ZZEF1: variants seen among roughly 807,000 people sequenced by gnomAD.
ZZEF1 encodes zinc finger ZZ-type and EF-hand domain-containing protein 1.
Under a neutral mutation model 342.8 loss-of-function variants are expected in ZZEF1, and 157 were observed. The observed-to-expected ratio is 0.46, with a 90% CI of 0.40 to 0.52. The LOEUF (loss-of-function observed/expected upper bound fraction) is 0.52, where lower values mean the gene tolerates loss of function less well. Among genes scored for constraint, ZZEF1 ranks in the 20% least tolerant of loss-of-function variants. The pLI is 0.00. For synonymous variants in ZZEF1, 1,505 were observed against 1,429.1 expected (o/e 1.05, Z -1.20); for missense variants, 3,480 against 3,725.6 (o/e 0.93, Z 1.72).
intron 29 of ZZEF1, among the ~76,000 whole-genome samples, chr17:4,063,725 G>A (rs1416685824): frequency 3.8e-5 from 5 of 130,404 alleles, no homozygotes; most frequent in Admixed American, 7.8e-5. Context: ...CCACACTCAG[G>A]TCATTTTTTT....
At chr17:4,041,898 G>A (rs1441711096) in intron 39 of ZZEF1, among the ~76,000 whole-genome samples, 1 of 152,034 alleles carries the variant, frequency 6.6e-6, no homozygotes, top group African/African-American at 2.4e-5. Context: ...AAAAAAACCT[G>A]TAAGGGACAT....
chr17:4,097,476 GGAAAAAAAAA>G (rs1302019910), intron 9 of ZZEF1, among the ~76,000 whole-genome samples: 14 of 113,962 alleles, frequency 1.2e-4, no homozygotes, highest in Admixed American at 3.8e-4. Context: ...CTTTGAAATG[GGAAAAAAAAA>G]AAAAAAAAAA....
intron 2 of ZZEF1, among the ~76,000 whole-genome samples, chr17:4,120,431 G>A (rs2058464810): frequency 6.6e-6 from 1 of 152,092 alleles, no homozygotes; most frequent in Non-Finnish European, 1.5e-5. Flanking sequence ...TCTCCAGAGG[G>A]ACAGAAATAA....
intron 1 of ZZEF1, among the ~76,000 whole-genome samples, chr17:4,129,647 T>C (rs2058632885): frequency 6.6e-6 from 1 of 151,960 alleles, no homozygotes; most frequent in Non-Finnish European, 1.5e-5. Context: ...GACCAGCCTG[T>C]CCAATATGGT....
At chr17:4,099,757 G>C (rs983932098) in intron 9 of ZZEF1, among the ~76,000 whole-genome samples, 1 of 152,064 alleles carries the variant, frequency 6.6e-6, no homozygotes, top group African/African-American at 2.4e-5. Flanking sequence ...TGTTGGCCAG[G>C]CTGGTCTCGA....
At chr17:4,142,038 T>C (rs895066702) in intron 1 of ZZEF1, among the ~76,000 whole-genome samples, 6 of 152,170 alleles carry the variant, frequency 3.9e-5, no homozygotes, top group Admixed American at 1.3e-4. Flanking sequence ...AACCAGTATG[T>C]ATTTTAGAAA....
At chr17:4,049,663 T>C in intron 37 of ZZEF1, 45 bp downstream of exon 37, 1 of 1,611,308 alleles carries the variant, frequency 6.2e-7, no homozygotes, top group Non-Finnish European at 8.5e-7. Context: ...TGGCTCTCTC[T>C]AGAGTTCAAC....
At chr17:4,099,830 G>C (rs1184459337) in intron 9 of ZZEF1, among the ~76,000 whole-genome samples, 1 of 152,096 alleles carries the variant, frequency 6.6e-6, no homozygotes, top group East Asian at 1.9e-4. Context: ...ACAGGTGTGA[G>C]CCACTGCACC....
Position 4,112,728 on chromosome 17 carries a change from T to C in ZZEF1, c.947A>G (p.Gln316Arg). Residue 316 changes from glutamine (Q) to arginine (R), a missense_variant, in exon 5 of 55, where the codon CAG (glutamine) becomes CGG (arginine). Coordinates refer to ENST00000381638, the MANE Select transcript of ZZEF1 (RefSeq NM_015113.4). ...ATTCCTCCCTACAGCTACTGTCACC[T>C]GCTGTGGCATGTAGCTCTGGTCAGT... ...AATDQSYMPQ[Q>R]VTVAVGRNAS... 6.2e-7 allele frequency: 1 copy of C among 1,613,976 alleles called. No homozygotes were observed. Among genetic ancestry groups the C allele is most frequent in the Non-Finnish European group, 8.5e-7 (1 of 1,179,852 alleles).
intron 32 of ZZEF1, 58 bp from the exon 33 acceptor site, chr17:4,056,403 C>T: frequency 6.6e-7 from 1 of 1,510,152 alleles, no homozygotes; most frequent in Non-Finnish European, 8.9e-7. Context: ...AAGGAAAGTA[C>T]TGGTTAGCAG....
chr17:4,070,512 C>T (rs941436989), intron 26 of ZZEF1, among the ~76,000 whole-genome samples, 172 bp downstream of exon 26: 22 of 152,134 alleles, frequency 1.4e-4, no homozygotes, highest in Non-Finnish European at 2.4e-4. Flanking sequence ...ATCTGCTAAC[C>T]ATAAAGTGGC....
chr17:4,037,472 G>C (rs1324028886), intron 39 of ZZEF1, among the ~76,000 whole-genome samples: 1 of 152,238 alleles, frequency 6.6e-6, no homozygotes, highest in Non-Finnish European at 1.5e-5. Flanking sequence ...ACAATAGGTG[G>C]CCTGTGATCT....
intron 2 of ZZEF1, among the ~76,000 whole-genome samples, chr17:4,118,074 C>A (rs893059478): frequency 6.6e-6 from 1 of 152,128 alleles, no homozygotes; most frequent in Non-Finnish European, 1.5e-5. Flanking sequence ...TAATAGGGAA[C>A]CCCCCATGAG....
chr17:4,093,850 G>A (rs909826670), intron 11 of ZZEF1, among the ~76,000 whole-genome samples: 1 of 152,086 alleles, frequency 6.6e-6, no homozygotes, highest in African/African-American at 2.4e-5. Flanking sequence ...TAGCAATAGG[G>A]GAGGTAACCT....
intron 2 of ZZEF1, among the ~76,000 whole-genome samples, chr17:4,118,810 G>A (rs938637689): frequency 2.0e-5 from 3 of 152,192 alleles, no homozygotes; most frequent in Admixed American, 1.3e-4. Context: ...CACTGAGGTA[G>A]AAGGTACCTG....
intron 33 of ZZEF1, 109 bp from the exon 34 acceptor site, chr17:4,054,304 T>A: frequency 8.0e-7 from 1 of 1,243,374 alleles, no homozygotes; most frequent in Non-Finnish European, 1.1e-6. Context: ...GGCATTGTAC[T>A]AAGTGCTAGG....
At chr17:4,009,862 C>G (rs964917754) in intron 52 of ZZEF1, 105 bp from the exon 53 acceptor site, 2 of 1,342,482 alleles carry the variant, frequency 1.5e-6, no homozygotes, top group African/African-American at 1.5e-5. Context: ...TCTCCCACAG[C>G]TGGTACAAAT....
rs1166108752 is a variant in ZZEF1 at position 4,017,435 on chromosome 17, G to A, written c.7937C>T (p.Pro2646Leu). The change falls in exon 48 of 55, where the codon CCT becomes CTT. Residue 2646 changes from proline (P) to leucine (L), a missense_variant. Around this residue, in one of 5 missense-constraint regions of ZZEF1, gnomAD observed 1,269 missense variants for 1,342.4 expected, o/e 0.95. Transcript: ENST00000381638. This position sits in a 1 kb window ranked among gnomAD's most constrained non-coding sequence, Gnocchi z 5.1. ...VSEDILELSG[P>L]AHMTYILDMF... is the part of the protein sequence containing the mutation. ...ATCCAAAATGTAGGTCATATGGGCA[G>A]GGCCACTGAGCTCCAGGATGTCCTC... The A allele has an allele frequency of 4.3e-6, 7 of 1,613,770 alleles. No homozygotes were observed. The highest frequency in any genetic ancestry group is 1.7e-5 in the Admixed American group (1 of 60,028).
Position 4,032,111 on chromosome 17 carries a change from A to C in ZZEF1, c.6892+15T>G, listed in dbSNP as rs780370888. On this transcript the variant is annotated intron_variant, in intron 42 of 54. Coordinates refer to ENST00000381638, the MANE Select transcript of ZZEF1 (RefSeq NM_015113.4). ...TTTTCTTCCATTCTTAGAAAAAAAT[A>C]ATTACGCATGGTACCTGTTTTCCTC... The C allele has an allele frequency of 6.2e-7, 1 of 1,601,256 alleles. No homozygotes were observed. The highest frequency in any genetic ancestry group is 8.5e-7 in the Non-Finnish European group (1 of 1,176,390).
Sources: gnomAD v4.1 joint callset for allele counts (sites outside exome capture counted in the v4.1 genomes callset) on GRCh38, gnomAD v4.1.1 for gene constraint, gnomAD v4.1.1 regional missense constraint, Gnocchi (gnomAD v3.1) non-coding constraint, MANE v1.5 for transcripts, NCBI Gene and HGNC (gene_info 2026-07-23, HGNC 2026-07-21) for gene names.